BAZ2B: variants seen among roughly 807,000 people sequenced by gnomAD.
BAZ2B encodes the protein bromodomain adjacent to zinc finger domain protein 2B.
Under a neutral mutation model 246.0 loss-of-function variants are expected in BAZ2B, and 91 were observed. The ratio of observed to expected loss-of-function variants is 0.37; its 90% confidence interval spans 0.31 to 0.44. The LOEUF (loss-of-function observed/expected upper bound fraction) is 0.44, where lower values mean the gene tolerates loss of function less well. BAZ2B is among the 20% of genes least tolerant of loss of function. The pLI, the probability that BAZ2B is intolerant of heterozygous loss-of-function variation, is 1.00. For synonymous variants in BAZ2B, 855 were observed against 860.0 expected, an observed-to-expected ratio of 0.99 and a Z score of 0.10; for missense variants, 2,332 against 2,533.7, an observed-to-expected ratio of 0.92 and a Z score of 1.71.
chr2:159,319,983 C>T lies in BAZ2B; in HGVS notation c.*282G>A. 1 of 226,242 alleles carries T rather than the reference C, an allele frequency of 4.4e-6. No individual in the cohort carries two copies. Among genetic ancestry groups the T allele is most frequent in the Non-Finnish European group, 8.5e-6 (1 of 117,398 alleles). 14.0% of individuals were successfully genotyped at this position (226,242 alleles called of 1,614,324 possible). On this transcript the variant is annotated 3_prime_UTR_variant, in exon 37 of 37. Transcript: ENST00000392783. This position sits in a 1 kb window ranked among gnomAD's most constrained non-coding sequence, Gnocchi z 4.0. ...AGTGCGATTTGATATATTTTAATTG[C>T]TATTGCACTATAACACCCTTTCCTT...
intron 3 of BAZ2B, chr2:159,463,266 T>C: frequency 2.5e-6 from 1 of 393,540 alleles, no homozygotes; most frequent in Non-Finnish European, 4.9e-6. Flanking sequence ...TCTTGGGCTG[T>C]TCTCAACATT....
At chr2:159,397,319 A>G (rs3213792) in intron 19 of BAZ2B, 26 bp downstream of exon 19, 1 of 1,468,052 alleles carries the variant, frequency 6.8e-7, no homozygotes, top group East Asian at 2.3e-5. Context: ...TACATTCAAC[A>G]ATTGTATAAC....
At chr2:159,511,815 T>C (rs114406309) in intron 2 of BAZ2B, among the ~76,000 whole-genome samples, 1 of 152,236 alleles carries the variant, frequency 6.6e-6, no homozygotes, top group African/African-American at 2.4e-5. Flanking sequence ...ATAAAGAATG[T>C]TGTAGGGGTC....
At chr2:159,622,571 A>G in the BAZ2B span, among the ~76,000 whole-genome samples, 1 of 152,220 alleles carries the variant, frequency 6.6e-6, no homozygotes, top group East Asian at 1.9e-4. Flanking sequence ...GCAAACTATA[A>G]AGACAAATGA....
At chr2:159,572,617 T>C (rs773965644) in intron 1 of BAZ2B, among the ~76,000 whole-genome samples, 1 of 152,238 alleles carries the variant, frequency 6.6e-6, no homozygotes, top group Non-Finnish European at 1.5e-5. Context: ...TTATTATTAT[T>C]ATGCATAGGC....
At chr2:159,378,206 T>G (rs2149464788) in intron 25 of BAZ2B, among the ~76,000 whole-genome samples, 1 of 152,362 alleles carries the variant, frequency 6.6e-6, no homozygotes, top group East Asian at 1.9e-4. Flanking sequence ...ATAAATGTTA[T>G]CTTTTGTTTG....
chr2:159,660,355 C>G, the BAZ2B span, among the ~76,000 whole-genome samples: 1 of 152,088 alleles, frequency 6.6e-6, no homozygotes, highest in Non-Finnish European at 1.5e-5. Context: ...TTTGTTTATC[C>G]TTTCTTCATT....
chr2:159,709,233 C>T, the BAZ2B span, among the ~76,000 whole-genome samples: 1 of 150,366 alleles, frequency 6.7e-6, no homozygotes, highest in African/African-American at 2.5e-5. Flanking sequence ...GCAGGCAGAT[C>T]ACCTGAAAAA....
chr2:159,339,125 G>C (rs924643430), intron 31 of BAZ2B, among the ~76,000 whole-genome samples: 2 of 152,022 alleles, frequency 1.3e-5, no homozygotes, highest in Non-Finnish European at 2.9e-5. Flanking sequence ...TAACTCAGTA[G>C]AATATTTATA....
intron 1 of BAZ2B, among the ~76,000 whole-genome samples, chr2:159,599,060 T>C (rs1691457377): frequency 6.6e-6 from 1 of 151,972 alleles, no homozygotes; most frequent in South Asian, 2.1e-4. Context: ...CAAAACCCCA[T>C]CTCTACTAAA....
At chr2:159,453,319 A>G (rs2075328259) in intron 4 of BAZ2B, among the ~76,000 whole-genome samples, 1 of 152,074 alleles carries the variant, frequency 6.6e-6, no homozygotes, top group Non-Finnish European at 1.5e-5. Context: ...ACTTTTCTGT[A>G]TATTATACTT....
intron 3 of BAZ2B, among the ~76,000 whole-genome samples, chr2:159,474,700 A>T (rs906010259): frequency 6.6e-6 from 1 of 152,118 alleles, no homozygotes; most frequent in Non-Finnish European, 1.5e-5. Context: ...GGTACTGGTT[A>T]TTCTTTTCCA....
Position 159,383,628 on chromosome 2 carries a change from C to T in BAZ2B, c.3739G>A (p.Val1247Met). Residue 1247 changes from valine (V) to methionine (M), a missense_variant, in exon 24 of 37, where the codon GTG becomes ATG. Around this residue, in one of 9 missense-constraint regions of BAZ2B, gnomAD observed 328 missense variants for 410.4 expected, o/e 0.80. Coordinates refer to ENST00000392783, the MANE Select transcript of BAZ2B (RefSeq NM_013450.4). ...TACTTGCGGAGTTTACCTTCTACCA[C>T]CCATTTATCTCTCCTCAAGTTTGAC... ...YMSNLRRDKW[V>M]VEGKLRKLRI... 2 of 1,611,788 alleles carry T rather than the reference C, an allele frequency of 1.2e-6. No homozygotes were observed. The highest frequency in any genetic ancestry group is 3.3e-5 in the Admixed American group (2 of 59,778).
intron 31 of BAZ2B, among the ~76,000 whole-genome samples, chr2:159,345,092 C>T (rs1260123389): frequency 6.6e-6 from 1 of 151,842 alleles, no homozygotes; most frequent in African/African-American, 2.4e-5. Flanking sequence ...TGCCTGTAAT[C>T]CCAGCTACTC....
chr2:159,536,021 T>C (rs1003836045), intron 2 of BAZ2B, among the ~76,000 whole-genome samples: 3 of 152,242 alleles, frequency 2.0e-5, no homozygotes, highest in African/African-American at 7.2e-5. Context: ...AAGTAACTGA[T>C]CCACAGTATG....
At chr2:159,682,918 C>CA in the BAZ2B span, among the ~76,000 whole-genome samples, 2,057 of 146,386 alleles carry the variant, frequency 0.014, 47 homozygotes, top group African/African-American at 0.046. Context: ...CTCCCCCCCC[C>CA]CACACACACC....
intron 2 of BAZ2B, among the ~76,000 whole-genome samples, chr2:159,495,768 G>A (rs186156837): frequency 6.9e-6 from 1 of 145,766 alleles, no homozygotes; most frequent in Admixed American, 6.9e-5. Context: ...AATCGAAGAA[G>A]AAATACTTTT....
At chr2:159,420,863 G>T (rs2068621488) in intron 13 of BAZ2B, among the ~76,000 whole-genome samples, 1 of 152,156 alleles carries the variant, frequency 6.6e-6, no homozygotes, top group Non-Finnish European at 1.5e-5. Flanking sequence ...TGAAACAGAA[G>T]TCCGTAGGAA....
intron 31 of BAZ2B, among the ~76,000 whole-genome samples, chr2:159,345,838 G>A (rs1173569478): frequency 6.6e-6 from 1 of 152,160 alleles, no homozygotes; most frequent in Non-Finnish European, 1.5e-5. Context: ...ATTTAGGTTA[G>A]GTGCAAAACC....
Sources: gnomAD v4.1 joint callset for allele counts (sites outside exome capture counted in the v4.1 genomes callset) on GRCh38, gnomAD v4.1.1 for gene constraint, gnomAD v4.1.1 regional missense constraint, Gnocchi (gnomAD v3.1) non-coding constraint, MANE v1.5 for transcripts, NCBI Gene and HGNC (gene_info 2026-07-23, HGNC 2026-07-21) for gene names.